Variants in CNTNAP2 observed in about 807,000 individuals in gnomAD.
CNTNAP2 encodes the protein contactin associated protein 2.
CNTNAP2 carries 98 observed loss-of-function variants against 155.2 expected under a neutral mutation model. The observed-to-expected ratio is 0.63, with a 90% CI of 0.54 to 0.75. CNTNAP2 has a LOEUF of 0.75. Among genes scored for constraint, CNTNAP2 ranks in the 30% least tolerant of loss-of-function variants. The pLI is 0.00. For missense variants in CNTNAP2, 1,727 were observed against 1,688.1 expected, an observed-to-expected ratio of 1.02 and a Z score of -0.40; for synonymous variants, 651 against 631.2, an observed-to-expected ratio of 1.03 and a Z score of -0.47.
chr7:147,720,334 A>G (rs1336820880), intron 13 of CNTNAP2, among the ~76,000 whole-genome samples: 1 of 152,128 alleles, frequency 6.6e-6, no homozygotes, highest in African/African-American at 2.4e-5. Context: ...GCAGACTCTG[A>G]AGGTTAATGT....
intron 7 of CNTNAP2, among the ~76,000 whole-genome samples, chr7:147,130,903 C>A (rs1172337196): frequency 2.0e-5 from 3 of 151,768 alleles, no homozygotes; most frequent in East Asian, 1.9e-4. Context: ...TCAGTAAAAG[C>A]GAGCATTTAA....
At chr7:147,732,197 C>CCCA (rs1796753640) in intron 13 of CNTNAP2, among the ~76,000 whole-genome samples, 1 of 148,856 alleles carries the variant, frequency 6.7e-6, no homozygotes, top group Non-Finnish European at 1.5e-5. Flanking sequence ...CCCCACCACC[C>CCCA]CCATGACAGG....
chr7:146,214,367 C>T (rs1455308112), intron 1 of CNTNAP2, among the ~76,000 whole-genome samples: 2 of 152,188 alleles, frequency 1.3e-5, no homozygotes, highest in Non-Finnish European at 2.9e-5. Context: ...GATACAGTGA[C>T]TGTCATTGTA....
intron 1 of CNTNAP2, among the ~76,000 whole-genome samples, chr7:146,557,289 C>T (rs1253353825): frequency 2.6e-5 from 4 of 151,882 alleles, no homozygotes; most frequent in Non-Finnish European, 5.9e-5. Context: ...AAGACAGGGG[C>T]AGTATGTACT....
chr7:147,063,368 A>T (rs1799719278), intron 4 of CNTNAP2, among the ~76,000 whole-genome samples: 1 of 152,050 alleles, frequency 6.6e-6, no homozygotes, highest in Non-Finnish European at 1.5e-5. Context: ...TTGGTAAAAA[A>T]AAATGGCCAA....
chr7:148,056,613 T>C (rs768853345), intron 15 of CNTNAP2: 2 of 152,210 alleles, frequency 1.3e-5, no homozygotes, highest in African/African-American at 4.8e-5. Context: ...ACTGAGCATA[T>C]GCCCCTAAAT....
chr7:147,306,441 G>A (rs1212821402), intron 9 of CNTNAP2, among the ~76,000 whole-genome samples: 1 of 152,128 alleles, frequency 6.6e-6, no homozygotes, highest in Non-Finnish European at 1.5e-5. Flanking sequence ...TGTAACCTCT[G>A]CGTAGGACCA....
chr7:146,345,094 G>T (rs992745491), intron 1 of CNTNAP2, among the ~76,000 whole-genome samples: 2 of 152,152 alleles, frequency 1.3e-5, no homozygotes, highest in African/African-American at 4.8e-5. Context: ...AAATTGTTAA[G>T]AAAGAGAGGC....
At position 147,861,917 on chromosome 7, in the gene CNTNAP2, G is replaced by A. The variant is rs188051951; in HGVS notation, c.2099-41648G>A. 2.1e-3 allele frequency among the ~76,000 whole-genome samples: 308 copies of A among 145,156 alleles called. 2 individuals are homozygous for A. The highest frequency in any genetic ancestry group is 9.2e-4 in the Non-Finnish European group (62 of 67,204). ...GGAGGCTAAGGTGGAAGAATTGTTC[G>A]AACCCAGGAGGCAGAAGTTGCAGTG... On this transcript the variant is annotated intron_variant, in intron 13 of 23. Transcript: ENST00000361727.
chr7:147,473,010 A>T (rs1215254676), intron 10 of CNTNAP2, among the ~76,000 whole-genome samples: 1 of 152,224 alleles, frequency 6.6e-6, no homozygotes, highest in African/African-American at 2.4e-5. Flanking sequence ...GCCAGAACTC[A>T]GAGTTGAGGC....
intron 13 of CNTNAP2, among the ~76,000 whole-genome samples, chr7:147,679,971 CTT>C (rs925590188): frequency 1.4e-5 from 2 of 146,564 alleles, no homozygotes; most frequent in Non-Finnish European, 1.5e-5. Context: ...ATCTTCGTTT[CTT>C]TTTTTTTTTA....
intron 14 of CNTNAP2, among the ~76,000 whole-genome samples, chr7:147,931,791 A>G (rs1800509056): frequency 6.6e-6 from 1 of 152,254 alleles, no homozygotes. Flanking sequence ...ACTTAATATC[A>G]TTAAAATGTC....
intron 13 of CNTNAP2, among the ~76,000 whole-genome samples, chr7:147,773,862 A>G (rs1302923312): frequency 6.6e-6 from 1 of 152,180 alleles, no homozygotes; most frequent in Non-Finnish European, 1.5e-5. Flanking sequence ...TTAATAATCA[A>G]CCAGAACCTA....
intron 1 of CNTNAP2, among the ~76,000 whole-genome samples, chr7:146,284,045 A>G (rs1800291002): frequency 6.6e-6 from 1 of 152,220 alleles, no homozygotes; most frequent in Admixed American, 6.5e-5. Context: ...GATTGATCAG[A>G]GATAAAAAAA....
At chr7:148,101,964 C>G (rs1344380177) in intron 15 of CNTNAP2, among the ~76,000 whole-genome samples, 2 of 152,114 alleles carry the variant, frequency 1.3e-5, no homozygotes, top group Admixed American at 1.3e-4. Flanking sequence ...AAAAGAGGAC[C>G]AAAACTTCTA....
chr7:147,397,725 A>G (rs1796842944), intron 10 of CNTNAP2, among the ~76,000 whole-genome samples: 1 of 151,992 alleles, frequency 6.6e-6, no homozygotes, highest in Non-Finnish European at 1.5e-5. Flanking sequence ...GGTATAGAAA[A>G]GAAAATACAA....
At chr7:147,877,974 A>G (rs1439693217) in intron 13 of CNTNAP2, among the ~76,000 whole-genome samples, 3 of 152,184 alleles carry the variant, frequency 2.0e-5, no homozygotes, top group Non-Finnish European at 4.4e-5. Flanking sequence ...CAAAGTTTAG[A>G]AGAGTCCTGC....
Position 148,223,086 on chromosome 7 carries a change from C to G in CNTNAP2, c.3247+5562C>G, listed in dbSNP as rs534144305. Reference sequence around the variant, plus strand: ...AACCCCTACTCTTCGTTTTGAGAAACTCATTACCCCTCAAGCACTCTGTGG... The same window carrying G: ...AACCCCTACTCTTCGTTTTGAGAAAGTCATTACCCCTCAAGCACTCTGTGG... On this transcript the variant is annotated intron_variant, in intron 19 of 23. Coordinates refer to ENST00000361727, the MANE Select transcript of CNTNAP2 (RefSeq NM_014141.6). Among the ~76,000 whole-genome samples, 14 of 152,296 alleles carry G rather than the reference C, an allele frequency of 9.2e-5. No homozygotes were observed. In the East Asian group the frequency reaches 2.5e-3, roughly 27 times the overall value.
intron 5 of CNTNAP2, among the ~76,000 whole-genome samples, chr7:147,112,962 T>C (rs567668958): frequency 6.6e-6 from 1 of 152,260 alleles, no homozygotes; most frequent in African/African-American, 2.4e-5. Context: ...ATAGGCATGT[T>C]ATCAGCTCTT....
Sources: allele counts gnomAD v4.1 joint callset (sites outside exome capture counted in the v4.1 genomes callset), GRCh38; gene constraint gnomAD v4.1.1; transcripts MANE v1.5; gene names NCBI Gene and HGNC (gene_info 2026-07-23, HGNC 2026-07-21).